Variants in MTCL1 observed in about 807,000 individuals in gnomAD.
The protein encoded by MTCL1 is microtubule cross-linking factor 1.
MTCL1 carries 79 observed loss-of-function variants against 141.4 expected under a neutral mutation model. The observed-to-expected ratio is 0.56, with a 90% CI of 0.47 to 0.67. The LOEUF (loss-of-function observed/expected upper bound fraction) is 0.67, where lower values mean the gene tolerates loss of function less well. MTCL1 is among the 30% of genes least tolerant of loss of function. The probability of loss-of-function intolerance (pLI) is 0.00; values close to 1 mark genes in which losing one functional copy is unlikely to be tolerated. For missense variants in MTCL1, 2,177 were observed against 2,113.9 expected, an observed-to-expected ratio of 1.03 and a Z score of -0.59; for synonymous variants, 914 against 875.8, an observed-to-expected ratio of 1.04 and a Z score of -0.77.
At chr18:8,788,221 C>A (rs1254695547) in intron 7 of MTCL1, among the ~76,000 whole-genome samples, 1 of 152,140 alleles carries the variant, frequency 6.6e-6, no homozygotes, top group African/African-American at 2.4e-5. Context: ...AGGGCTGGAG[C>A]TGGAGGTCCT....
intron 5 of MTCL1, among the ~76,000 whole-genome samples, chr18:8,780,539 G>A (rs543354755): frequency 6.6e-6 from 1 of 152,374 alleles, no homozygotes; most frequent in Non-Finnish European, 1.5e-5. Flanking sequence ...TAGAGGTGGA[G>A]ATGGGATCAT....
chr18:8,826,107 ATCC>A lies in MTCL1; in HGVS notation c.4600_4602del (p.Leu1534del), dbSNP rs773343383. The A allele has an allele frequency of 3.1e-6, 5 of 1,612,532 alleles. No homozygotes were observed. In the Admixed American group the frequency reaches 8.4e-5, roughly 27 times the overall value. On this transcript the variant is annotated inframe_deletion, in exon 15 of 17. Coordinates refer to ENST00000359865, the Ensembl canonical transcript of MTCL1. The stretch of plus-strand genomic sequence containing the variant: ...CACGCTCACTGAGAACGTGGCCCGG[ATCC>A]TCAACAAGAAGCTGCTGGAACATGC...
intron 4 of MTCL1, among the ~76,000 whole-genome samples, chr18:8,752,351 A>C (rs1363901196): frequency 1.3e-5 from 2 of 152,244 alleles, no homozygotes; most frequent in African/African-American, 2.4e-5. Context: ...TTACTATTTA[A>C]ACTTCCATGT....
At chr18:8,757,226 G>A (rs1249324270) in intron 4 of MTCL1, among the ~76,000 whole-genome samples, 1 of 152,172 alleles carries the variant, frequency 6.6e-6, no homozygotes, top group Non-Finnish European at 1.5e-5. Context: ...GAATTTCCAG[G>A]AGTCTAGAAC....
At chr18:8,783,724 G>A (rs1260402552) in exon 6 of MTCL1, 2 of 1,607,842 alleles carry the variant, frequency 1.2e-6, no homozygotes, top group Non-Finnish European at 1.7e-6. Context: ...GCACCCGGGA[G>A]GCCGAGCTGA....
At chr18:8,790,395 C>T (rs2075679225) in intron 7 of MTCL1, among the ~76,000 whole-genome samples, 1 of 152,192 alleles carries the variant, frequency 6.6e-6, no homozygotes, top group South Asian at 2.1e-4. Context: ...TTGGCTAGCA[C>T]CTAATGCATT....
At chr18:8,752,527 A>G (rs1262394021) in intron 4 of MTCL1, among the ~76,000 whole-genome samples, 4 of 152,246 alleles carry the variant, frequency 2.6e-5, no homozygotes, top group African/African-American at 4.8e-5. Flanking sequence ...CATGTGGCAT[A>G]GCAAGTTAAA....
chr18:8,714,942 GC>G (rs1442486394), upstream of MTCL1, among the ~76,000 whole-genome samples: 19 of 152,004 alleles, frequency 1.2e-4, no homozygotes, highest in African/African-American at 4.6e-4. Flanking sequence ...GACTACAGGT[GC>G]CCGCCACCAC....
At chr18:8,803,798 A>C (rs1388659414) in intron 10 of MTCL1, among the ~76,000 whole-genome samples, 1 of 152,214 alleles carries the variant, frequency 6.6e-6, no homozygotes, top group Non-Finnish European at 1.5e-5. Context: ...TTAAGGCTTA[A>C]ATTTTATTGA....
intron 8 of MTCL1, among the ~76,000 whole-genome samples, chr18:8,795,932 A>T (rs987049816): frequency 6.6e-6 from 1 of 152,222 alleles, no homozygotes; most frequent in Non-Finnish European, 1.5e-5. Context: ...CACTTCCAAG[A>T]CACGGTTTTC....
chr18:8,746,324 A>G (rs56300250), intron 4 of MTCL1, among the ~76,000 whole-genome samples: 17,806 of 152,206 alleles, frequency 0.12, 2,309 homozygotes, highest in African/African-American at 0.31. Flanking sequence ...TGTTTTCCAC[A>G]TGGCAGCACC....
rs1435495845 is a variant in MTCL1, at chr18:8,822,540, C to G, written c.3188+1042C>G. Among the ~76,000 whole-genome samples, 1 of 152,136 alleles carries G rather than the reference C, an allele frequency of 6.6e-6. No individual in the cohort carries two copies. The highest frequency in any genetic ancestry group is 1.5e-5 in the Non-Finnish European group (1 of 68,030). On this transcript the variant is annotated intron_variant, in intron 14 of 16. Transcript: ENST00000359865. This position sits in a 1 kb window ranked among gnomAD's most constrained non-coding sequence, Gnocchi z 4.6. ...TCCTGACCTCAGGTGATCCACCCGC[C>G]TCAGCCTCCCGAAGTGCTGGGATTA...
At chr18:8,761,210 G>A (rs1212292185) in intron 4 of MTCL1, among the ~76,000 whole-genome samples, 2 of 152,136 alleles carry the variant, frequency 1.3e-5, no homozygotes, top group Non-Finnish European at 1.5e-5. Flanking sequence ...TCACATGGAA[G>A]GTGCAATAAA....
upstream of MTCL1, among the ~76,000 whole-genome samples, chr18:8,715,182 G>A (rs2096121265): frequency 3.9e-5 from 6 of 152,196 alleles, no homozygotes; most frequent in Admixed American, 3.9e-4. Flanking sequence ...TCAATGATGT[G>A]GAGGTGTGGG....
At chr18:8,718,973 T>C (rs2096149753) in intron 3 of MTCL1, among the ~76,000 whole-genome samples, 1 of 152,236 alleles carries the variant, frequency 6.6e-6, no homozygotes, top group Admixed American at 6.5e-5. Context: ...AAAAATCTAT[T>C]GATTATCAGT....
rs901494498 is a variant in MTCL1, at chr18:8,810,288, T to C, written c.2605-2691T>C. 2.0e-5 allele frequency: 3 copies of C among 152,592 alleles called. No individual in the cohort carries two copies. Among genetic ancestry groups the C allele is most frequent in the African/African-American group, 7.2e-5 (3 of 41,432 alleles). The allele number at this position is 152,592 out of a possible 1,614,324, so 9.5% of individuals were successfully genotyped here. On this transcript the variant is annotated intron_variant, in intron 11 of 16. Coordinates refer to ENST00000359865, the Ensembl canonical transcript of MTCL1. The surrounding 1 kb of genome is among the most constrained non-coding windows in gnomAD (Gnocchi z 5.0). ...GAAAGAAGGAGCACAGACAGTGCAG[T>C]AACAGGAGCCGCGGAGTCATGGGGA...
chr18:8,749,878 C>T (rs1213424134), intron 4 of MTCL1, among the ~76,000 whole-genome samples: 1 of 152,158 alleles, frequency 6.6e-6, no homozygotes, highest in Non-Finnish European at 1.5e-5. Flanking sequence ...CAGCTATAAA[C>T]TTGTTTCGAT....
chr18:8,738,410 A>C (rs374110791), intron 4 of MTCL1, among the ~76,000 whole-genome samples: 56 of 152,266 alleles, frequency 3.7e-4, no homozygotes, highest in African/African-American at 1.3e-3. Context: ...TCATTTTTGT[A>C]GGTACTTTTA....
At chr18:8,809,690 C>T (rs1468108494) in intron 11 of MTCL1, 2 of 1,397,788 alleles carry the variant, frequency 1.4e-6, no homozygotes, top group Non-Finnish European at 1.9e-6. Context: ...CGTGGAGCAA[C>T]AGGCACCTCG....
Sources: allele counts gnomAD v4.1 joint callset (sites outside exome capture counted in the v4.1 genomes callset), GRCh38; gene constraint gnomAD v4.1.1; non-coding constraint Gnocchi (gnomAD v3.1); transcripts MANE v1.5; gene names NCBI Gene and HGNC (gene_info 2026-07-23, HGNC 2026-07-21).